The following PAFAH1B1 variants were observed in gnomAD, a reference collection of about 807,000 sequenced individuals.
PAFAH1B1 encodes platelet-activating factor acetylhydrolase IB subunit beta.
A neutral mutation model predicts 57.5 loss-of-function variants in PAFAH1B1; 2 were observed. The ratio of observed to expected loss-of-function variants is 0.03; its 90% CI spans 0.01 to 0.11. The LOEUF (loss-of-function observed/expected upper bound fraction) is 0.11, where lower values mean the gene tolerates loss of function less well. Among genes scored for constraint, PAFAH1B1 ranks in the 10% least tolerant of loss-of-function variants. The pLI, the probability that PAFAH1B1 is intolerant of heterozygous loss-of-function variation, is 1.00. For synonymous variants in PAFAH1B1, 152 were observed against 169.6 expected (o/e 0.90, Z 0.81); for missense variants, 257 against 512.0 (o/e 0.50, Z 4.81).
chr17:2,664,670 C>G (rs1425190516), intron 2 of PAFAH1B1, among the ~76,000 whole-genome samples: 2 of 110,514 alleles, frequency 1.8e-5, no homozygotes, highest in East Asian at 4.3e-4. Flanking sequence ...CTATCGCTCT[C>G]TCTCTCTCTC....
At chr17:2,635,130 TC>T (rs2068605397) in intron 1 of PAFAH1B1, among the ~76,000 whole-genome samples, 1 of 148,540 alleles carries the variant, frequency 6.7e-6, no homozygotes, top group Non-Finnish European at 1.5e-5. Context: ...GCCAGTGCCC[TC>T]CTGGGCAACA....
chr17:2,639,248 A>G lies in PAFAH1B1; in HGVS notation c.32+928A>G, dbSNP rs557246118. 8.5e-5 allele frequency: 13 copies of G among 152,328 alleles called. No individual in the cohort carries two copies. The East Asian group carries it at 1.9e-3, about 23-fold the overall frequency. 9.4% of individuals were successfully genotyped at this position (152,328 alleles called of 1,614,324 possible). On this transcript the variant is annotated intron_variant, in intron 2 of 10. Transcript: ENST00000397195. ...TGTTCAATAGGAAGTTAGGTGCTTCATAGCTCCTCTAAACCTTTTTTTGGT... is the reference window on the plus strand; with the variant it reads ...TGTTCAATAGGAAGTTAGGTGCTTCGTAGCTCCTCTAAACCTTTTTTTGGT...
chr17:2,672,662 C>G lies in PAFAH1B1; in HGVS notation c.576C>G (p.Asp192Glu). The G allele has an allele frequency of 6.2e-7, 1 of 1,607,130 alleles. No individual in the cohort carries two copies. The highest frequency in any genetic ancestry group is 8.5e-7 in the Non-Finnish European group (1 of 1,173,790). ...TGCTGTTATGTGTTTTAGGCCATGA[C>G]CACAATGTTTCTTCAGTAGCCATCA... Reference protein sequence around the residue: ...FECIRTMHGHDHNVSSVAIMP... With the variant: ...FECIRTMHGHEHNVSSVAIMP... The change falls in exon 7 of 11, where the codon GAC (aspartate) becomes GAG (glutamate). Residue 192 changes from aspartate to glutamate, a missense_variant. Transcript: ENST00000397195.
Position 2,667,098 on chromosome 17 carries a change from A to G in PAFAH1B1, c.299A>G (p.Glu100Gly). The G allele has an allele frequency of 1.2e-6, 2 of 1,613,920 alleles. No individual in the cohort carries two copies. The highest frequency in any genetic ancestry group is 2.2e-5 in the South Asian group (2 of 91,082). Reference protein sequence around the residue: ...DPKEWIPRPPEKYALSGHRSP... With the variant: ...DPKEWIPRPPGKYALSGHRSP... ...AAAGAATGGATTCCCCGTCCGCCAGAAAAATATGCATTGAGTGGTCACAGG... is the reference window on the plus strand; with the variant it reads ...AAAGAATGGATTCCCCGTCCGCCAGGAAAATATGCATTGAGTGGTCACAGG... The change falls in exon 5 of 11, where the codon GAA becomes GGA. Residue 100 changes from glutamate (E) to glycine (G), a missense_variant. Glu to Gly is a moderately conservative substitution (Grantham distance 98). Transcript: ENST00000397195.
chr17:2,619,449 T>A (rs1254422065), intron 1 of PAFAH1B1, among the ~76,000 whole-genome samples: 4 of 152,132 alleles, frequency 2.6e-5, no homozygotes, highest in African/African-American at 9.7e-5. Flanking sequence ...CCCAGGCTGG[T>A]CTTGAACTCT....
intron 1 of PAFAH1B1, among the ~76,000 whole-genome samples, chr17:2,617,642 G>A (rs2068362572): frequency 6.6e-6 from 1 of 152,190 alleles, no homozygotes; most frequent in Non-Finnish European, 1.5e-5. Flanking sequence ...TTGAGGCCAG[G>A]CATGGTGGCT....
chr17:2,666,920 G>C, intron 4 of PAFAH1B1, 72 bp from the exon 5 acceptor site: 2 of 1,139,066 alleles, frequency 1.8e-6, no homozygotes, highest in Non-Finnish European at 1.3e-6. Context: ...CAAAATAAAG[G>C]CAGTTTTTTA....
intron 1 of PAFAH1B1, among the ~76,000 whole-genome samples, chr17:2,610,728 G>A (rs904544089): frequency 1.3e-5 from 2 of 152,208 alleles, no homozygotes; most frequent in Admixed American, 1.3e-4. Flanking sequence ...CACAAGCTTG[G>A]GCTAGAGTTT....
intron 1 of PAFAH1B1, among the ~76,000 whole-genome samples, chr17:2,616,276 G>A (rs1567529545): frequency 6.6e-6 from 1 of 152,138 alleles, no homozygotes; most frequent in Non-Finnish European, 1.5e-5. Context: ...TATTATAGAA[G>A]AATACTACTG....
At chr17:2,667,951 T>C (rs2069130204) in intron 5 of PAFAH1B1, among the ~76,000 whole-genome samples, 4 of 151,880 alleles carry the variant, frequency 2.6e-5, no homozygotes, top group Admixed American at 2.6e-4. Context: ...ATAGTTGCAA[T>C]ATAGGTAGAT....
intron 2 of PAFAH1B1, among the ~76,000 whole-genome samples, chr17:2,652,864 T>G (rs1302297317): frequency 6.6e-6 from 1 of 152,188 alleles, no homozygotes; most frequent in African/African-American, 2.4e-5. Flanking sequence ...GTGTGGCGAT[T>G]CCTCAGGGAT....
At chr17:2,601,024 G>A (rs2068137359) in intron 1 of PAFAH1B1, among the ~76,000 whole-genome samples, 1 of 152,134 alleles carries the variant, frequency 6.6e-6, no homozygotes, top group Admixed American at 6.5e-5. Context: ...GAGCTATCAT[G>A]CCTGGCCTTG....
At chr17:2,666,330 C>A (rs747931977) in intron 4 of PAFAH1B1, among the ~76,000 whole-genome samples, 29 of 152,088 alleles carry the variant, frequency 1.9e-4, no homozygotes, top group Non-Finnish European at 3.8e-4. Context: ...GGAATTGATA[C>A]TGAAAGAACT....
At chr17:2,645,389 T>C (rs2068753829) in intron 2 of PAFAH1B1, among the ~76,000 whole-genome samples, 1 of 151,096 alleles carries the variant, frequency 6.6e-6, no homozygotes, top group South Asian at 2.1e-4. Context: ...AGGTCAGGAG[T>C]TGGAGACCAA....
At chr17:2,598,252 A>T (rs2068105532) in intron 1 of PAFAH1B1, among the ~76,000 whole-genome samples, 1 of 152,260 alleles carries the variant, frequency 6.6e-6, no homozygotes, top group Non-Finnish European at 1.5e-5. Context: ...TCCATCTCAA[A>T]AAATAAATAA....
In PAFAH1B1 at chr17:2,683,378, A is replaced by G. The variant is rs892113597; in HGVS notation, c.*1576A>G. 5 of 152,356 alleles carry G rather than the reference A, an allele frequency of 3.3e-5. No individual in the cohort carries two copies. Among genetic ancestry groups the G allele is most frequent in the Non-Finnish European group, 7.3e-5 (5 of 68,032 alleles). 9.4% of individuals were successfully genotyped at this position (152,356 alleles called of 1,614,324 possible). A position where few individuals can be genotyped will look rare whatever the true frequency, so the allele number is the denominator to read the frequency against. On this transcript the variant is annotated 3_prime_UTR_variant, in exon 11 of 11. Transcript: ENST00000397195. ...AGATAACAGTGACAGTTTAACAAAG[A>G]TAAAATTCTGAACTGCGTTTTATTC...
chr17:2,644,493 C>T (rs924233920), intron 2 of PAFAH1B1, among the ~76,000 whole-genome samples: 3 of 151,618 alleles, frequency 2.0e-5, no homozygotes, highest in Admixed American at 6.6e-5. Context: ...CGGTGAGCCG[C>T]GATCACACCC....
chr17:2,671,248 G>T (rs377442781), intron 6 of PAFAH1B1, among the ~76,000 whole-genome samples: 1 of 151,508 alleles, frequency 6.6e-6, no homozygotes, highest in Non-Finnish European at 1.5e-5. Flanking sequence ...TCACTCTGTC[G>T]CCCAGGCTGG....
intron 9 of PAFAH1B1, among the ~76,000 whole-genome samples, chr17:2,679,396 G>A (rs1358445702): frequency 6.6e-6 from 1 of 150,654 alleles, no homozygotes; most frequent in African/African-American, 2.5e-5. Flanking sequence ...ATGGATGGAT[G>A]GATGGATGAT....
Sources: allele counts gnomAD v4.1 joint callset (sites outside exome capture counted in the v4.1 genomes callset), GRCh38; gene constraint gnomAD v4.1.1; transcripts MANE v1.5; gene names NCBI Gene and HGNC (gene_info 2026-07-23, HGNC 2026-07-21).